The following RORA variants were observed in gnomAD, a reference collection of about 807,000 sequenced individuals.
RORA encodes RAR related orphan receptor A.
A neutral mutation model predicts 69.5 loss-of-function variants in RORA; 7 were observed. That is an observed-to-expected ratio of 0.10 (90% CI 0.06 to 0.19). RORA has a LOEUF of 0.19. Ranked by LOEUF, RORA falls within the 10% of genes least tolerant of loss-of-function variation. RORA has a pLI of 1.00. For synonymous variants in RORA, 261 were observed against 240.8 expected (o/e 1.08, Z -0.78); for missense variants, 457 against 663.0 (o/e 0.69, Z 3.41).
chr15:60,993,148 T>G lies in RORA; in HGVS notation c.166+235905A>C, dbSNP rs145499405. 4.2e-3 allele frequency among the ~76,000 whole-genome samples: 645 copies of G among 152,314 alleles called. 9 individuals are homozygous for G. Among genetic ancestry groups the G allele is most frequent in the African/African-American group, 0.015 (617 of 41,572 alleles). ...CTCTTTCTTGGATAGTGGTAACATT[T>G]CCAAGTTGAAAAAGTACCCTGCAGG... On this transcript the variant is annotated intron_variant, in intron 1 of 10. Transcript: ENST00000335670.
chr15:61,176,350 A>C (rs1384492979), intron 1 of RORA: 1 of 152,256 alleles, frequency 6.6e-6, no homozygotes, highest in Non-Finnish European at 1.5e-5. Context: ...GTGGATCAAA[A>C]TAAAATCCTG....
intron 1 of RORA, among the ~76,000 whole-genome samples, chr15:61,130,925 G>A (rs552510329): frequency 9.1e-4 from 139 of 152,336 alleles, no homozygotes; most frequent in African/African-American, 3.2e-3. Flanking sequence ...TGGTATCACT[G>A]AGACCCAGCC....
intron 2 of RORA, among the ~76,000 whole-genome samples, chr15:60,597,981 C>T (rs1238006943): frequency 6.6e-6 from 1 of 151,974 alleles, no homozygotes; most frequent in African/African-American, 2.4e-5. Context: ...TGGGCTTTGG[C>T]ATTAGATGAA....
chr15:61,151,493 A>C (rs1467746750), intron 1 of RORA, among the ~76,000 whole-genome samples: 1 of 152,224 alleles, frequency 6.6e-6, no homozygotes, highest in Non-Finnish European at 1.5e-5. Context: ...TACCAAATGA[A>C]GCTTACTAGG....
chr15:60,633,281 C>G (rs990678371), intron 2 of RORA, among the ~76,000 whole-genome samples: 1 of 152,182 alleles, frequency 6.6e-6, no homozygotes, highest in Non-Finnish European at 1.5e-5. Flanking sequence ...TGAACGTGTG[C>G]CAGTTCGAAT....
chr15:60,836,125 G>A (rs1380307755), intron 1 of RORA, among the ~76,000 whole-genome samples: 2 of 152,176 alleles, frequency 1.3e-5, no homozygotes, highest in African/African-American at 4.8e-5. Flanking sequence ...TGAAATAGAT[G>A]GCATTTAGCC....
chr15:61,010,481 G>A (rs537901492), intron 1 of RORA, among the ~76,000 whole-genome samples: 86 of 152,206 alleles, frequency 5.7e-4, no homozygotes, highest in African/African-American at 2.0e-3. Flanking sequence ...ACTCTCTATC[G>A]AAGAAACAAA....
At chr15:60,645,406 G>C (rs2070021735) in intron 2 of RORA, among the ~76,000 whole-genome samples, 1 of 150,902 alleles carries the variant, frequency 6.6e-6, no homozygotes, top group African/African-American at 2.4e-5. Flanking sequence ...TAACAACAAG[G>C]TCTTGACAGA....
intron 1 of RORA, among the ~76,000 whole-genome samples, chr15:61,121,157 C>A (rs1005633908): frequency 2.0e-5 from 3 of 152,066 alleles, no homozygotes. Context: ...GCCAATTAAG[C>A]CTTACTTCTG....
intron 1 of RORA, among the ~76,000 whole-genome samples, chr15:61,179,659 A>G (rs1212687158): frequency 6.6e-6 from 1 of 152,252 alleles, no homozygotes; most frequent in South Asian, 2.1e-4. Context: ...GTGATTTAGC[A>G]TAACGCCTGA....
intron 1 of RORA, among the ~76,000 whole-genome samples, chr15:61,087,498 TTAAG>T (rs769106615): frequency 6.6e-6 from 1 of 152,172 alleles, no homozygotes; most frequent in Non-Finnish European, 1.5e-5. Context: ...TAAAATCAAT[TTAAG>T]TACTGAAAAT....
chr15:61,215,205 C>G (rs2080029983), intron 1 of RORA, among the ~76,000 whole-genome samples: 1 of 151,940 alleles, frequency 6.6e-6, no homozygotes, highest in Non-Finnish European at 1.5e-5. Flanking sequence ...TTAAATCTAC[C>G]TGTCCCACTG....
intron 1 of RORA, among the ~76,000 whole-genome samples, chr15:61,151,389 CT>C (rs768065612): frequency 3.3e-5 from 5 of 152,180 alleles, no homozygotes; most frequent in African/African-American, 4.8e-5. Context: ...ATAGATGAAA[CT>C]TTCCCCTTTG....
rs148862197 is a variant in RORA at position 60,993,215 on chromosome 15, G to A, written c.166+235838C>T. Among the ~76,000 whole-genome samples, 660 of 152,304 alleles carry A rather than the reference G, an allele frequency of 4.3e-3. 9 individuals carry two copies. Among genetic ancestry groups the A allele is most frequent in the African/African-American group, 0.015 (630 of 41,544 alleles). ...AAATCTGTGCATTCTTCTAGCATGTGTCATGTCCCAAGTATTCTTCCTCAG... is the reference window on the plus strand; with the variant it reads ...AAATCTGTGCATTCTTCTAGCATGTATCATGTCCCAAGTATTCTTCCTCAG... On this transcript the variant is annotated intron_variant, in intron 1 of 10. Coordinates refer to ENST00000335670, the MANE Select transcript of RORA (RefSeq NM_134261.3).
intron 1 of RORA, among the ~76,000 whole-genome samples, chr15:60,762,246 A>T (rs1217374060): frequency 6.6e-6 from 1 of 152,222 alleles, no homozygotes; most frequent in Non-Finnish European, 1.5e-5. Flanking sequence ...GTACTATTAA[A>T]CTAAAACGAG....
At chr15:61,037,786 A>G (rs1896533968) in intron 1 of RORA, among the ~76,000 whole-genome samples, 1 of 152,198 alleles carries the variant, frequency 6.6e-6, no homozygotes, top group Non-Finnish European at 1.5e-5. Context: ...GTGGCCTGAG[A>G]TGAATGCTAT....
chr15:60,585,425 C>A (rs1334361714), intron 2 of RORA, among the ~76,000 whole-genome samples: 1 of 151,998 alleles, frequency 6.6e-6, no homozygotes, highest in African/African-American at 2.4e-5. Context: ...TCTTCAGAAA[C>A]CAAGGGGTTA....
chr15:61,043,116 T>A (rs751598208), intron 1 of RORA, among the ~76,000 whole-genome samples: 45 of 152,238 alleles, frequency 3.0e-4, no homozygotes, highest in Non-Finnish European at 4.8e-4. Flanking sequence ...TCTCATCTAA[T>A]GCTATCTCAG....
chr15:60,758,905 A>G (rs752289768), intron 1 of RORA, among the ~76,000 whole-genome samples: 1 of 152,226 alleles, frequency 6.6e-6, no homozygotes, highest in Non-Finnish European at 1.5e-5. Context: ...AAGAGAGGCC[A>G]GACAGTTACC....
Sources: gnomAD v4.1 joint callset for allele counts (sites outside exome capture counted in the v4.1 genomes callset) on GRCh38, gnomAD v4.1.1 for gene constraint, MANE v1.5 for transcripts, NCBI Gene and HGNC (gene_info 2026-07-23, HGNC 2026-07-21) for gene names.